Variants in C2CD2 observed in about 807,000 individuals in gnomAD.
C2CD2 encodes C2 domain-containing protein 2.
C2CD2 carries 43 observed loss-of-function variants against 74.3 expected under a neutral mutation model. That is an observed-to-expected ratio of 0.58 (90% CI 0.45 to 0.75). C2CD2 has a LOEUF of 0.75. C2CD2 is among the 30% of genes least tolerant of loss of function. The probability of loss-of-function intolerance (pLI) is 0.00; values close to 1 mark genes in which losing one functional copy is unlikely to be tolerated. For missense variants in C2CD2, 801 were observed against 916.3 expected (o/e 0.87, Z 1.63); for synonymous variants, 422 against 390.7 (o/e 1.08, Z -0.94).
rs1365797810 is a variant in C2CD2, at chr21:41,923,819, C to T, written c.379-1734G>A. Among the ~76,000 whole-genome samples the T allele has an allele frequency of 4.6e-5, 7 of 152,234 alleles. No homozygotes were observed. The highest frequency in any genetic ancestry group is 3.9e-4 in the East Asian group (2 of 5,174). On this transcript the variant is annotated intron_variant, in intron 2 of 13. Transcript: ENST00000380486. The surrounding 1 kb of genome is among the most constrained non-coding windows in gnomAD (Gnocchi z 5.8). ...TAGAATGAGAGGTCAGACCCCTCCC[C>T]GCTCCCCTCCCGGGGGCAGAGGGCC...
intron 2 of C2CD2, among the ~76,000 whole-genome samples, chr21:41,940,268 T>C (rs75200416): frequency 6.6e-6 from 1 of 152,210 alleles, no homozygotes; most frequent in Admixed American, 6.5e-5. Flanking sequence ...TCCTGAATTA[T>C]AGTTGAAGCA....
At chr21:41,922,982 G>A (rs2065171655) in intron 2 of C2CD2, among the ~76,000 whole-genome samples, 1 of 144,416 alleles carries the variant, frequency 6.9e-6, no homozygotes, top group South Asian at 2.4e-4. Context: ...CTTTCCACAT[G>A]TAATACAGTC....
At position 41,939,922 on chromosome 21, in the gene C2CD2, C is replaced by T. The variant is rs1367536517; in HGVS notation, c.378+2225G>A. 1.3e-5 allele frequency among the ~76,000 whole-genome samples: 2 copies of T among 152,142 alleles called. No individual in the cohort carries two copies. Among genetic ancestry groups the T allele is most frequent in the Non-Finnish European group, 2.9e-5 (2 of 68,034 alleles). On this transcript the variant is annotated intron_variant, in intron 2 of 13. Coordinates refer to ENST00000380486, the MANE Select transcript of C2CD2 (RefSeq NM_015500.2). The surrounding 1 kb of genome is among the most constrained non-coding windows in gnomAD (Gnocchi z 5.5). ...GGTGCTTGTCTGAGGAGTCGGGAGG[C>T]GGTGAACAGACACAATCGCTGCAGC... is the stretch of plus-strand genomic sequence containing the variant.
At chr21:41,915,641 T>C (rs903173837) in intron 5 of C2CD2, among the ~76,000 whole-genome samples, 2 of 152,166 alleles carry the variant, frequency 1.3e-5, no homozygotes, top group Non-Finnish European at 2.9e-5. Flanking sequence ...GGTTTCACCA[T>C]GTTGGCCAGG....
Position 41,901,678 on chromosome 21 carries a change from G to A in C2CD2, c.1504C>T (p.Leu502=), listed in dbSNP as rs148567225. 3 of 1,613,940 alleles carry A rather than the reference G, an allele frequency of 1.9e-6. No homozygotes were observed. Among genetic ancestry groups the A allele is most frequent in the Non-Finnish European group, 2.5e-6 (3 of 1,179,908 alleles). Residue 502 remains leucine (L), a synonymous_variant, in exon 12 of 14, where the codon CTG becomes TTG. Coordinates refer to ENST00000380486, the MANE Select transcript of C2CD2 (RefSeq NM_015500.2). ...AIRQLSESSK[L]KLKSPRKKST... is the part of the protein sequence containing the mutation. ...TTCTTCCGTGGCGACTTGAGTTTCA[G>A]CTTTGAAGATTCACTGAGCTGTCGA...
At chr21:41,941,759 T>TC (rs1203115478) in intron 2 of C2CD2, among the ~76,000 whole-genome samples, 2 of 152,108 alleles carry the variant, frequency 1.3e-5, no homozygotes, top group Non-Finnish European at 1.5e-5. Context: ...CTCTCCATTT[T>TC]CCCCCAAGAG....
Position 41,945,066 on chromosome 21 carries a change from C to T in C2CD2, c.280-2821G>A, listed in dbSNP as rs912579682. The stretch of plus-strand genomic sequence containing the variant: ...GTAAATGTGTTTCATAGGTTGGGAA[C>T]TCAGAAACTACTTCATGCATATACT... On this transcript the variant is annotated intron_variant, in intron 1 of 13. Transcript: ENST00000380486. This position sits in a 1 kb window ranked among gnomAD's most constrained non-coding sequence, Gnocchi z 4.2. Among the ~76,000 whole-genome samples, 11 of 152,144 alleles carry T rather than the reference C, an allele frequency of 7.2e-5. No homozygotes were observed. Among genetic ancestry groups the T allele is most frequent in the Non-Finnish European group, 1.2e-4 (8 of 68,040 alleles).
At chr21:41,933,260 G>GTTT (rs34078516) in intron 2 of C2CD2, among the ~76,000 whole-genome samples, 3 of 145,860 alleles carry the variant, frequency 2.1e-5, no homozygotes, top group Non-Finnish European at 3.1e-5. Context: ...TTCTGTTACA[G>GTTT]TTTTTTTTTT....
intron 13 of C2CD2, chr21:41,894,665 G>C (rs1353253678): frequency 2.2e-6 from 1 of 456,668 alleles, no homozygotes; most frequent in Non-Finnish European, 4.4e-6. Flanking sequence ...TGCGTCTCCA[G>C]AGAGGCATGC....
At position 41,899,584 on chromosome 21, in the gene C2CD2, T is replaced by A. The variant is rs2064868291; in HGVS notation, c.1561-222A>T. Among the ~76,000 whole-genome samples the A allele has an allele frequency of 6.6e-6, 1 of 152,102 alleles. No individual in the cohort carries two copies. The highest frequency in any genetic ancestry group is 1.9e-4 in the East Asian group (1 of 5,166). On this transcript the variant is annotated intron_variant, in intron 12 of 13. Transcript: ENST00000380486. The surrounding 1 kb of genome is among the most constrained non-coding windows in gnomAD (Gnocchi z 4.4). ...CCAGGGCTCAGGATCCCTAGGCAGC[T>A]GGGGGTTGGCCCCCGGGGCTCAGAG...
chr21:41,902,210 C>G (rs970054838), intron 11 of C2CD2, among the ~76,000 whole-genome samples: 1 of 152,182 alleles, frequency 6.6e-6, no homozygotes, highest in South Asian at 2.1e-4. Flanking sequence ...AAATATCTAA[C>G]CCTTTGGAAG....
intron 8 of C2CD2, chr21:41,908,065 C>G: frequency 2.3e-6 from 1 of 427,710 alleles, no homozygotes; most frequent in Non-Finnish European, 4.2e-6. Flanking sequence ...AAGGACATCA[C>G]GGGGTCGTCC....
At chr21:41,916,970 C>T (rs944625976) in intron 5 of C2CD2, among the ~76,000 whole-genome samples, 4 of 152,168 alleles carry the variant, frequency 2.6e-5, no homozygotes, top group Admixed American at 6.5e-5. Flanking sequence ...AAAGGGACAG[C>T]GCTGGGACTC....
chr21:41,947,521 A>G (rs1396082999), intron 1 of C2CD2, among the ~76,000 whole-genome samples: 1 of 152,160 alleles, frequency 6.6e-6, no homozygotes, highest in Non-Finnish European at 1.5e-5. Flanking sequence ...ACATGCCACC[A>G]ATGTTAATTT....
chr21:41,915,453 T>C (rs2065078787), intron 5 of C2CD2, among the ~76,000 whole-genome samples: 1 of 152,122 alleles, frequency 6.6e-6, no homozygotes, highest in Non-Finnish European at 1.5e-5. Flanking sequence ...TTTTTTTTTT[T>C]TGAGACAGAG....
chr21:41,930,627 G>A (rs1405480345), intron 2 of C2CD2, among the ~76,000 whole-genome samples: 2 of 149,574 alleles, frequency 1.3e-5, no homozygotes, highest in Non-Finnish European at 3.0e-5. Flanking sequence ...ACTTGAACCC[G>A]GCAGGCGGAG....
rs894041539 is a variant in C2CD2 at position 41,919,410 on chromosome 21, C to T, written c.493-450G>A. ...CAGGACCCCAAACTCTCTTTACCCCCTGCCCTTCCTGCCCCTTCTCTGGCC... is the reference window on the plus strand; with the variant it reads ...CAGGACCCCAAACTCTCTTTACCCCTTGCCCTTCCTGCCCCTTCTCTGGCC... On this transcript the variant is annotated intron_variant, in intron 3 of 13. Transcript: ENST00000380486. 2.0e-5 allele frequency among the ~76,000 whole-genome samples: 3 copies of T among 152,258 alleles called. No individual in the cohort carries two copies. The East Asian group carries it at 5.8e-4, about 29-fold the overall frequency.
intron 1 of C2CD2, 46 bp downstream of exon 1, chr21:41,953,324 C>G (rs1329942033): frequency 2.3e-6 from 3 of 1,310,302 alleles, no homozygotes; most frequent in East Asian, 3.0e-5. Flanking sequence ...CCGGACCGCC[C>G]GCCCCGGCAT....
chr21:41,898,278 C>T (rs549373868), intron 13 of C2CD2, among the ~76,000 whole-genome samples: 39 of 152,242 alleles, frequency 2.6e-4, no homozygotes, highest in African/African-American at 8.7e-4. Flanking sequence ...TTTTGTCCCC[C>T]GAATGGTGGA....
Sources: gnomAD v4.1 joint callset for allele counts (sites outside exome capture counted in the v4.1 genomes callset) on GRCh38, gnomAD v4.1.1 for gene constraint, Gnocchi (gnomAD v3.1) non-coding constraint, MANE v1.5 for transcripts, NCBI Gene and HGNC (gene_info 2026-07-23, HGNC 2026-07-21) for gene names.